TTC3: variants seen among roughly 807,000 people sequenced by gnomAD.
The protein encoded by TTC3 is tetratricopeptide repeat domain 3, also known as E3 ubiquitin-protein ligase TTC3.
In TTC3, 180 loss-of-function variants were observed where a neutral mutation model predicts 249.6. The observed-to-expected ratio is 0.72, with a 90% CI of 0.64 to 0.82. The LOEUF (loss-of-function observed/expected upper bound fraction) is 0.82. TTC3 is among the 40% of genes least tolerant of loss of function. The pLI, the probability that TTC3 is intolerant of heterozygous loss-of-function variation, is 0.00. For synonymous variants in TTC3, 717 were observed against 805.0 expected (o/e 0.89, Z 1.85); for missense variants, 2,061 against 2,398.4 (o/e 0.86, Z 2.94).
Position 37,116,501 on chromosome 21 carries a change from A to AT in TTC3, c.901-5306dup, listed in dbSNP as rs554869401. Among the ~76,000 whole-genome samples, 93 of 148,916 alleles carry AT rather than the reference A, an allele frequency of 6.2e-4. 1 individual carries two copies. The highest frequency in any genetic ancestry group is 7.8e-4 in the East Asian group (4 of 5,154). ...CTGTATTTTCCTAAATTATAAAAAT[A>AT]TTTTTTTTTTAAGTGAAGCTTTAGA... On this transcript the variant is annotated intron_variant, in intron 11 of 45. Transcript: ENST00000355666.
chr21:37,201,727 G>A, exon 46 of TTC3: 1 of 955,528 alleles, frequency 1.0e-6, no homozygotes, highest in Admixed American at 3.0e-5. Context: ...CTGATATTAA[G>A]TAATTTCCCC....
intron 31 of TTC3, among the ~76,000 whole-genome samples, chr21:37,162,894 C>G (rs1569107663): frequency 6.6e-6 from 1 of 152,110 alleles, no homozygotes; most frequent in Non-Finnish European, 1.5e-5. Context: ...TGCCTTTTTG[C>G]TGTGTTTTCT....
Position 37,191,379 on chromosome 21 carries a change from G to A in TTC3, c.5070G>A (p.Trp1690Ter). 6.3e-7 allele frequency: 1 copy of A among 1,590,172 alleles called. No homozygotes were observed. The highest frequency in any genetic ancestry group is 8.5e-7 in the Non-Finnish European group (1 of 1,171,844). ...ACATGGAGTCTGATATACGTTCATG[G>A]GAATTGTTTCTTTCTAATGTTACAA... The change falls in exon 40 of 46, where the codon TGG becomes TGA. Residue 1690 changes from tryptophan to a stop codon, truncating the protein, a stop_gained. Coordinates refer to ENST00000355666, the Ensembl canonical transcript of TTC3. LOFTEE classifies it high-confidence loss of function.
intron 10 of TTC3, among the ~76,000 whole-genome samples, chr21:37,105,528 A>G (rs1469017345): frequency 6.6e-6 from 1 of 152,176 alleles, no homozygotes; most frequent in African/African-American, 2.4e-5. Flanking sequence ...AAAAAATCTT[A>G]ATACACATGC....
chr21:37,095,101 C>G (rs913770194), intron 8 of TTC3, among the ~76,000 whole-genome samples: 23 of 149,870 alleles, frequency 1.5e-4, no homozygotes, highest in African/African-American at 9.8e-5. Flanking sequence ...GCACCACTGC[C>G]CTCCAACCTG....
At chr21:37,095,202 G>T in intron 8 of TTC3, 148 bp from the exon 9 acceptor site, 19 of 510,768 alleles carry the variant, frequency 3.7e-5, no homozygotes, top group Non-Finnish European at 6.2e-5. Context: ...CAAAATATTG[G>T]GTATTGTAAT....
intron 5 of TTC3, 112 bp from the exon 6 acceptor site, chr21:37,090,121 T>A: frequency 1.5e-6 from 1 of 669,342 alleles, no homozygotes; most frequent in Middle Eastern, 2.6e-4. Flanking sequence ...GTCGGAAGTG[T>A]ACTACTGAGT....
chr21:37,100,013 T>C (rs2074322268), intron 10 of TTC3, among the ~76,000 whole-genome samples: 1 of 152,218 alleles, frequency 6.6e-6, no homozygotes, highest in South Asian at 2.1e-4. Flanking sequence ...ATGCCATTTA[T>C]TAATGTTTAA....
intron 8 of TTC3, among the ~76,000 whole-genome samples, chr21:37,094,602 T>C (rs939214904): frequency 1.3e-5 from 2 of 152,220 alleles, no homozygotes; most frequent in Non-Finnish European, 2.9e-5. Flanking sequence ...TCTATGTTAT[T>C]GATTTATATA....
chr21:37,147,713 G>A lies in TTC3; in HGVS notation c.2016+110G>A, dbSNP rs894429544. ...CAAGTTCTCTGGCTAGTTAGCAGTC[G>A]TCCACCCCTTTCCCAGGATTTTTTT... On this transcript the variant is annotated intron_variant, in intron 22 of 45. Coordinates refer to ENST00000355666, the Ensembl canonical transcript of TTC3. 22 of 1,294,734 alleles carry A rather than the reference G, an allele frequency of 1.7e-5. No individual in the cohort carries two copies. In the Admixed American group the frequency reaches 2.0e-4, roughly 12 times the overall value. 80.2% of individuals were successfully genotyped at this position (1,294,734 alleles called of 1,614,324 possible).
At chr21:37,189,085 T>C (rs969734300) in intron 39 of TTC3, among the ~76,000 whole-genome samples, 2 of 32,904 alleles carry the variant, frequency 6.1e-5, no homozygotes, top group African/African-American at 1.9e-4. Flanking sequence ...TGCAGTAAAA[T>C]TTGGAATGAA....
chr21:37,074,307 C>T (rs552469092), intron 1 of TTC3, among the ~76,000 whole-genome samples: 3 of 152,310 alleles, frequency 2.0e-5, no homozygotes, highest in South Asian at 4.1e-4. Flanking sequence ...GCCTCTTCAG[C>T]CAGCCTGTTC....
chr21:37,124,663 CACTTA>C lies in TTC3; in HGVS notation c.1159_1163del (p.Asn387CysfsTer11). The C allele has an allele frequency of 1.2e-6, 2 of 1,613,376 alleles. No homozygotes were observed. Among genetic ancestry groups the C allele is most frequent in the East Asian group, 2.2e-5 (1 of 44,810 alleles). ...TTATCAGCACCTATATTTACTACTT[CACTTA>C]ACTTTGTGGAGAAGGAAAGAGATTT... On this transcript the variant is annotated frameshift_variant, in exon 14 of 46. Transcript: ENST00000355666. LOFTEE classifies it high-confidence loss of function.
At chr21:37,073,296 T>TAGC (rs1020476559) in exon 1 of TTC3, 19 of 253,808 alleles carry the variant, frequency 7.5e-5, no homozygotes, top group Non-Finnish European at 9.6e-5. Flanking sequence ...GGGCCGGAGG[T>TAGC]GGCGGCGGCG....
intron 20 of TTC3, among the ~76,000 whole-genome samples, chr21:37,141,465 T>TA (rs2078453638): frequency 6.6e-6 from 1 of 152,150 alleles, no homozygotes; most frequent in South Asian, 2.1e-4. Flanking sequence ...TAGTTTTTTT[T>TA]AAATTAAAGA....
intron 17 of TTC3, 121 bp downstream of exon 17, chr21:37,132,887 TGTA>T (rs2077594227): frequency 1.5e-6 from 1 of 664,314 alleles, no homozygotes; most frequent in Non-Finnish European, 2.3e-6. Context: ...TGTATTATAT[TGTA>T]GTTTTGTAGA....
chr21:37,199,005 A>C (rs1216940948), intron 44 of TTC3, among the ~76,000 whole-genome samples: 1 of 152,174 alleles, frequency 6.6e-6, no homozygotes, highest in African/African-American at 2.4e-5. Context: ...AGAGGCCTTC[A>C]ATGGCTCTTC....
At position 37,157,211 on chromosome 21, in the gene TTC3, A is replaced by G. The variant is rs746011246; in HGVS notation, c.2992+305A>G. On this transcript the variant is annotated intron_variant, in intron 28 of 45. Transcript: ENST00000355666. ...ATTGCATGTTACACTGACAGAATCT[A>G]TTAGTAAGTGGTTTGATTTATAGCA... 4 of 1,330,830 alleles carry G rather than the reference A, an allele frequency of 3.0e-6. No individual in the cohort carries two copies. In the African/African-American group the frequency reaches 4.5e-5, roughly 15 times the overall value. The allele number at this position is 1,330,830 out of a possible 1,614,324, so 82.4% of individuals were successfully genotyped here. A position where few individuals can be genotyped will look rare whatever the true frequency, so the allele number is the denominator to read the frequency against.
chr21:37,099,801 C>G (rs1366768233), intron 10 of TTC3, among the ~76,000 whole-genome samples: 1 of 152,114 alleles, frequency 6.6e-6, no homozygotes, highest in Non-Finnish European at 1.5e-5. Flanking sequence ...CCTCTGAACT[C>G]TCAAATGTGT....
Sources: allele counts gnomAD v4.1 joint callset (sites outside exome capture counted in the v4.1 genomes callset), GRCh38; gene constraint gnomAD v4.1.1; transcripts MANE v1.5; gene names NCBI Gene and HGNC (gene_info 2026-07-23, HGNC 2026-07-21).